Variants in HMGN2 observed in about 807,000 individuals in gnomAD.
HMGN2 encodes non-histone chromosomal protein HMG-17.
Under a neutral mutation model 16.9 loss-of-function variants are expected in HMGN2, and 2 were observed. The ratio of observed to expected loss-of-function variants is 0.12; its 90% CI spans 0.05 to 0.37. The LOEUF (loss-of-function observed/expected upper bound fraction) is 0.37, where lower values mean the gene tolerates loss of function less well. HMGN2 is among the 10% of genes least tolerant of loss of function. The pLI, the probability that HMGN2 is intolerant of heterozygous loss-of-function variation, is 1.00. For synonymous variants in HMGN2, 31 were observed against 34.9 expected (o/e 0.89, Z 0.39); for missense variants, 90 against 106.0 (o/e 0.85, Z 0.66).
rs1422681988 is a variant in HMGN2, at chr1:26,476,312, CCT to C, written c.*1169_*1170del. 2.0e-5 allele frequency among the ~76,000 whole-genome samples: 3 copies of C among 152,252 alleles called. No individual in the cohort carries two copies. The highest frequency in any genetic ancestry group is 1.3e-4 in the Admixed American group (2 of 15,300). Reference sequence around the variant, plus strand: ...GTTTTGGCTGGGTAGCTGACAGGAGCCTCTCTACTTCCATCTGCATTTGCAAC... The same window carrying C: ...GTTTTGGCTGGGTAGCTGACAGGAGCCTCTACTTCCATCTGCATTTGCAAC... On this transcript the variant is annotated 3_prime_UTR_variant, in exon 6 of 6. Transcript: ENST00000361427.
In HMGN2 at chr1:26,472,631, C is replaced by T. The variant is rs560405336; in HGVS notation, c.15+4C>T. 7.8e-6 allele frequency: 12 copies of T among 1,531,792 alleles called. No homozygotes were observed. The highest frequency in any genetic ancestry group is 5.5e-5 in the African/African-American group (4 of 72,418). 94.9% of individuals were successfully genotyped at this position (1,531,792 alleles called of 1,614,324 possible). A position where few individuals can be genotyped will look rare whatever the true frequency, so the allele number is the denominator to read the frequency against. ...CGCCACCATGCCCAAGAGAAAGGTA[C>T]GTGGCGCGAGGGCCCCAGGCGCCGG... On this transcript the variant is annotated splice_donor_region_variant and intron_variant, in intron 1 of 5. Coordinates refer to ENST00000361427, the MANE Select transcript of HMGN2 (RefSeq NM_005517.4).
At position 26,475,374 on chromosome 1, in the gene HMGN2, C is replaced by T. The variant is rs534836127; in HGVS notation, c.*226C>T. On this transcript the variant is annotated 3_prime_UTR_variant, in exon 6 of 6. Coordinates refer to ENST00000361427, the MANE Select transcript of HMGN2 (RefSeq NM_005517.4). ...GATTGATGTGGAGAAAACACCTTTC[C>T]CTTCTAGTTTTGAGAGACTTCCTCT... The T allele has an allele frequency of 4.2e-5, 17 of 404,552 alleles. No individual in the cohort carries two copies. Among genetic ancestry groups the T allele is most frequent in the East Asian group, 3.5e-4 (9 of 25,476 alleles). 25.1% of individuals were successfully genotyped at this position (404,552 alleles called of 1,614,324 possible). A position where few individuals can be genotyped will look rare whatever the true frequency, so the allele number is the denominator to read the frequency against.
At chr1:26,474,172 A>G in intron 4 of HMGN2, 37 bp downstream of exon 4, 2 of 1,498,854 alleles carry the variant, frequency 1.3e-6, no homozygotes, top group South Asian at 1.2e-5. Flanking sequence ...TTTTCACAGA[A>G]TGAGGACTGT....
rs778861305 is a variant in HMGN2 at position 26,474,191 on chromosome 1, CCTTAA to C, written c.141+62_141+66del. The C allele has an allele frequency of 1.1e-3, 1,423 of 1,316,722 alleles. 3 individuals are homozygous for C. The highest frequency in any genetic ancestry group is 1.3e-3 in the Non-Finnish European group (1,185 of 936,390). The allele number at this position is 1,316,722 out of a possible 1,614,324, so 81.6% of individuals were successfully genotyped here. ...CACAGAATGAGGACTGTCCTTAGTG[CCTTAA>C]CTTAATTAGCATAATGGTGCCTCCA... On this transcript the variant is annotated intron_variant, in intron 4 of 5. Coordinates refer to ENST00000361427, the MANE Select transcript of HMGN2 (RefSeq NM_005517.4).
rs1375213820 is a variant in HMGN2, at chr1:26,472,558, C to G, written c.-55C>G. 1.6e-5 allele frequency: 24 copies of G among 1,534,384 alleles called. No homozygotes were observed. The highest frequency in any genetic ancestry group is 2.0e-5 in the Non-Finnish European group (23 of 1,147,094). The stretch of plus-strand genomic sequence containing the variant: ...ACCCCCGGACCGACCAAAGCCCGCG[C>G]GCCGCTGCATCCCGCGTCCAGCACC... On this transcript the variant is annotated 5_prime_UTR_variant, in exon 1 of 6. Transcript: ENST00000361427.
At chr1:26,472,662 C>T in intron 1 of HMGN2, 35 bp downstream of exon 1, 3 of 1,511,336 alleles carry the variant, frequency 2.0e-6, no homozygotes, top group Non-Finnish European at 2.6e-6. Context: ...GCCGGGCCAC[C>T]ACTGCCGCCA....
chr1:26,474,703 C>A (rs1178599387), intron 5 of HMGN2, 36 bp downstream of exon 5: 2 of 1,011,230 alleles, frequency 2.0e-6, no homozygotes, highest in Middle Eastern at 4.0e-4. Context: ...TAGATTTGTT[C>A]ATTCAGTTAG....
intron 5 of HMGN2, 109 bp downstream of exon 5, chr1:26,474,776 AGTGTGCTT>A: frequency 2.9e-6 from 2 of 681,916 alleles, no homozygotes; most frequent in Non-Finnish European, 5.3e-6. Context: ...CATTTGGTCC[AGTGTGCTT>A]GTGGCTTTCC....
Position 26,475,467 on chromosome 1 carries a change from T to C in HMGN2, c.*319T>C, listed in dbSNP as rs1335103295. ...CCACCTTGGCACAAAAGCCTTGTGG[T>C]ATAGAAAAACAAATTTGTTTTTATG... On this transcript the variant is annotated 3_prime_UTR_variant, in exon 6 of 6. Transcript: ENST00000361427. The C allele has an allele frequency of 3.4e-6, 1 of 289,952 alleles. No individual in the cohort carries two copies. Among genetic ancestry groups the C allele is most frequent in the Non-Finnish European group, 6.6e-6 (1 of 151,966 alleles). The allele number at this position is 289,952 out of a possible 1,614,324, so 18.0% of individuals were successfully genotyped here. A position where few individuals can be genotyped will look rare whatever the true frequency, so the allele number is the denominator to read the frequency against.
Position 26,475,238 on chromosome 1 carries a change from T to A in HMGN2, c.*90T>A. 1.1e-6 allele frequency: 1 copy of A among 943,188 alleles called. No individual in the cohort carries two copies. Among genetic ancestry groups the A allele is most frequent in the Non-Finnish European group, 1.6e-6 (1 of 617,902 alleles). The allele number at this position is 943,188 out of a possible 1,614,324, so 58.4% of individuals were successfully genotyped here. A position where few individuals can be genotyped will look rare whatever the true frequency, so the allele number is the denominator to read the frequency against. The stretch of plus-strand genomic sequence containing the variant: ...TCAAGTTTTATAAAAATGCAGAATT[T>A]TGTTTTACTTTTTTTTTTTTTTTAA... On this transcript the variant is annotated 3_prime_UTR_variant, in exon 6 of 6. Transcript: ENST00000361427.
At chr1:26,473,660 G>A in intron 2 of HMGN2, 43 bp from the exon 3 acceptor site, 9 of 1,608,564 alleles carry the variant, frequency 5.6e-6, no homozygotes, top group Non-Finnish European at 7.7e-6. Flanking sequence ...CTTTCAAAGC[G>A]ACTTACCTGT....
Position 26,472,506 on chromosome 1 carries a change from G to C in HMGN2, c.-107G>C. On this transcript the variant is annotated 5_prime_UTR_variant, in exon 1 of 6. Transcript: ENST00000361427. ...AAACTTTATAAACCCCCCGGAGCCC[G>C]AGCAGTGTGAAGAAGAGGCGAGAAC... The C allele has an allele frequency of 7.5e-7, 1 of 1,329,020 alleles. No homozygotes were observed. Among genetic ancestry groups the C allele is most frequent in the Non-Finnish European group, 1.0e-6 (1 of 961,780 alleles). The allele number at this position is 1,329,020 out of a possible 1,614,324, so 82.3% of individuals were successfully genotyped here.
In HMGN2 at chr1:26,472,463, G is replaced by C. The variant is rs2075574780; in HGVS notation, c.-150G>C. ...GTGAAATCCGGTTCTAACCGGTCCG[G>C]GGCTCCCAGCGCTATAAAAACTTTA... On this transcript the variant is annotated 5_prime_UTR_variant, in exon 1 of 6. Transcript: ENST00000361427. The C allele has an allele frequency of 1.7e-5, 16 of 950,438 alleles. No homozygotes were observed. Among genetic ancestry groups the C allele is most frequent in the Admixed American group, 2.1e-5 (1 of 47,748 alleles). 58.9% of individuals were successfully genotyped at this position (950,438 alleles called of 1,614,324 possible).
intron 3 of HMGN2, 173 bp downstream of exon 3, chr1:26,473,905 C>T (rs1488453503): frequency 2.5e-6 from 2 of 788,742 alleles, no homozygotes; most frequent in East Asian, 2.6e-5. Context: ...TGCCTGTAGC[C>T]AAAGTGGGAC....
chr1:26,474,351 TTAAAC>T (rs1299627067), intron 4 of HMGN2, among the ~76,000 whole-genome samples: 1 of 152,238 alleles, frequency 6.6e-6, no homozygotes, highest in Non-Finnish European at 1.5e-5. Flanking sequence ...ACCCCAGGGT[TTAAAC>T]TAATTTATTC....
At chr1:26,473,045 C>CG (rs1337666937) in intron 1 of HMGN2, among the ~76,000 whole-genome samples, 13 of 137,106 alleles carry the variant, frequency 9.5e-5, no homozygotes, top group Non-Finnish European at 9.6e-5. Context: ...CCGTGAGGGG[C>CG]GGGGCTTGTG....
chr1:26,474,218 T>A, intron 4 of HMGN2, 83 bp downstream of exon 4: 5 of 980,756 alleles, frequency 5.1e-6, no homozygotes, highest in Non-Finnish European at 7.8e-6. Flanking sequence ...TAATGGTGCC[T>A]CCATTAATGG....
intron 1 of HMGN2, 22 bp downstream of exon 1, chr1:26,472,649 G>T: frequency 2.6e-6 from 4 of 1,526,566 alleles, no homozygotes; most frequent in Non-Finnish European, 3.5e-6. Flanking sequence ...GAGGGCCCCA[G>T]GCGCCGGGCC....
chr1:26,474,051 T>A, intron 3 of HMGN2, 34 bp from the exon 4 acceptor site: 1 of 1,587,386 alleles, frequency 6.3e-7, no homozygotes. Flanking sequence ...ATTGTACTGA[T>A]GTTCACTTTT....
Sources: gnomAD v4.1 joint callset for allele counts (sites outside exome capture counted in the v4.1 genomes callset) on GRCh38, gnomAD v4.1.1 for gene constraint, MANE v1.5 for transcripts, NCBI Gene and HGNC (gene_info 2026-07-23, HGNC 2026-07-21) for gene names.